Variants in PRR16 observed in about 807,000 individuals in gnomAD.
PRR16 encodes the protein proline rich 16.
In PRR16, 6 loss-of-function variants were observed where a neutral mutation model predicts 18.2. The ratio of observed to expected loss-of-function variants is 0.33; its 90% CI spans 0.18 to 0.65. PRR16 has a LOEUF of 0.65. PRR16 is among the 30% of genes least tolerant of loss of function. The pLI, the probability that PRR16 is intolerant of heterozygous loss-of-function variation, is 0.74. For synonymous variants in PRR16, 151 were observed against 147.8 expected (o/e 1.02, Z -0.16); for missense variants, 412 against 376.6 (o/e 1.09, Z -0.78).
chr5:120,498,066 T>C (rs1750319182), intron 1 of PRR16, among the ~76,000 whole-genome samples: 2 of 151,262 alleles, frequency 1.3e-5, no homozygotes, highest in Non-Finnish European at 3.0e-5. Context: ...CATTTTAATT[T>C]TTGTTTTTGT....
intron 1 of PRR16, among the ~76,000 whole-genome samples, chr5:120,639,041 A>G (rs184921871): frequency 2.0e-5 from 3 of 152,184 alleles, no homozygotes; most frequent in Admixed American, 2.0e-4. Flanking sequence ...TTTTATTTCA[A>G]ACGAGTATGT....
intron 1 of PRR16, among the ~76,000 whole-genome samples, chr5:120,493,807 C>T (rs1481344117): frequency 1.3e-5 from 2 of 152,024 alleles, no homozygotes; most frequent in Non-Finnish European, 2.9e-5. Context: ...TGTGGTTAGG[C>T]TTTTTTCACT....
intron 1 of PRR16, among the ~76,000 whole-genome samples, chr5:120,520,742 A>G (rs942499017): frequency 1.3e-5 from 2 of 152,216 alleles, no homozygotes; most frequent in Non-Finnish European, 2.9e-5. Flanking sequence ...AAAGTCCAGT[A>G]TTATAAAATG....
intron 1 of PRR16, among the ~76,000 whole-genome samples, chr5:120,576,302 C>T (rs1471209076): frequency 1.3e-5 from 2 of 152,146 alleles, no homozygotes; most frequent in Non-Finnish European, 2.9e-5. Flanking sequence ...TCAAACAACT[C>T]AGTAACAACA....
intron 1 of PRR16, among the ~76,000 whole-genome samples, chr5:120,483,017 GT>G (rs746100204): frequency 9.2e-5 from 14 of 152,152 alleles, no homozygotes; most frequent in Non-Finnish European, 1.8e-4. Flanking sequence ...GGTTAGGTAG[GT>G]TAGGGAATGC....
intron 1 of PRR16, among the ~76,000 whole-genome samples, chr5:120,466,834 GAGTA>G (rs1749121017): frequency 6.6e-6 from 1 of 152,118 alleles, no homozygotes; most frequent in African/African-American, 2.4e-5. Flanking sequence ...GGATCTGTTT[GAGTA>G]AAAATCTCAC....
At chr5:120,717,843 A>G in the PRR16 span, among the ~76,000 whole-genome samples, 1 of 152,184 alleles carries the variant, frequency 6.6e-6, no homozygotes, top group Non-Finnish European at 1.5e-5. Context: ...ATAAACAACT[A>G]TTGAGGTTTG....
intron 1 of PRR16, among the ~76,000 whole-genome samples, chr5:120,473,894 G>T (rs1229287575): frequency 2.0e-5 from 3 of 152,178 alleles, no homozygotes; most frequent in Non-Finnish European, 4.4e-5. Context: ...TTTTAAATAG[G>T]ATTGTTCAGA....
At chr5:120,524,891 G>A (rs1489727090) in intron 1 of PRR16, among the ~76,000 whole-genome samples, 1 of 151,986 alleles carries the variant, frequency 6.6e-6, no homozygotes, top group African/African-American at 2.4e-5. Flanking sequence ...TGGCAAAAAG[G>A]TTAACCATTT....
At chr5:120,580,382 CT>C (rs1753228721) in intron 1 of PRR16, among the ~76,000 whole-genome samples, 1 of 150,936 alleles carries the variant, frequency 6.6e-6, no homozygotes, top group Non-Finnish European at 1.5e-5. Context: ...ATAAATAGCT[CT>C]TATTATTTTG....
chr5:120,729,518 T>C, the PRR16 span, among the ~76,000 whole-genome samples: 1 of 152,152 alleles, frequency 6.6e-6, no homozygotes, highest in Non-Finnish European at 1.5e-5. Flanking sequence ...TAAATGATGA[T>C]TGAGCAGTCC....
chr5:120,592,412 G>C (rs1336071292), intron 1 of PRR16, among the ~76,000 whole-genome samples: 2 of 152,080 alleles, frequency 1.3e-5, no homozygotes, highest in South Asian at 4.2e-4. Context: ...GTATATTCTG[G>C]ACAACATAAT....
chr5:120,612,990 T>C (rs1459274855), intron 1 of PRR16, among the ~76,000 whole-genome samples: 1 of 152,206 alleles, frequency 6.6e-6, no homozygotes, highest in Non-Finnish European at 1.5e-5. Context: ...AGTCACTCTG[T>C]GCTATTTTCT....
At chr5:120,662,598 C>A (rs1217716540) in intron 1 of PRR16, among the ~76,000 whole-genome samples, 1 of 152,128 alleles carries the variant, frequency 6.6e-6, no homozygotes, top group Non-Finnish European at 1.5e-5. Context: ...TCTTTCTTTT[C>A]TCCCCTTCCG....
At chr5:120,601,247 A>T (rs13182257) in intron 1 of PRR16, among the ~76,000 whole-genome samples, 8,250 of 151,896 alleles carry the variant, frequency 0.054, 309 homozygotes, top group Middle Eastern at 0.085. Flanking sequence ...TTATTTTTTG[A>T]CTTTTTAATA....
At chr5:120,746,482 G>T in the PRR16 span, among the ~76,000 whole-genome samples, 2 of 151,974 alleles carry the variant, frequency 1.3e-5, no homozygotes, top group Non-Finnish European at 2.9e-5. Flanking sequence ...GAGCCAACTC[G>T]GAACTAAAAC....
intron 1 of PRR16, among the ~76,000 whole-genome samples, chr5:120,589,210 T>C (rs1561561070): frequency 1.3e-5 from 2 of 152,186 alleles, no homozygotes; most frequent in Non-Finnish European, 2.9e-5. Flanking sequence ...TAATGGCATT[T>C]TCTGCAAAGT....
At chr5:120,737,589 C>T in the PRR16 span, among the ~76,000 whole-genome samples, 1 of 150,904 alleles carries the variant, frequency 6.6e-6, no homozygotes, top group Non-Finnish European at 1.5e-5. Context: ...CAGAATAATG[C>T]TGATCTCATA....
the PRR16 span, among the ~76,000 whole-genome samples, chr5:120,764,290 T>A: frequency 6.6e-6 from 1 of 151,802 alleles, no homozygotes; most frequent in African/African-American, 2.4e-5. Context: ...TTTTACCAAA[T>A]GCGTTTTCTG....
Sources: gnomAD v4.1 joint callset for allele counts (sites outside exome capture counted in the v4.1 genomes callset) on GRCh38, gnomAD v4.1.1 for gene constraint, MANE v1.5 for transcripts, NCBI Gene and HGNC (gene_info 2026-07-23, HGNC 2026-07-21) for gene names.